ELAVL2: variants seen among roughly 807,000 people sequenced by gnomAD.
ELAVL2 encodes ELAV-like protein 2.
In ELAVL2, 4 loss-of-function variants were observed where a neutral mutation model predicts 34.6. The ratio of observed to expected loss-of-function variants is 0.12; its 90% confidence interval spans 0.06 to 0.26. The LOEUF (loss-of-function observed/expected upper bound fraction) is 0.26, where lower values mean the gene tolerates loss of function less well. Among genes scored for constraint, ELAVL2 ranks in the 10% least tolerant of loss-of-function variants. The probability of loss-of-function intolerance (pLI) is 1.00; values close to 1 mark genes in which losing one functional copy is unlikely to be tolerated. For synonymous variants in ELAVL2, 193 were observed against 154.8 expected, an observed-to-expected ratio of 1.25 and a Z score of -1.83; for missense variants, 432 against 442.8, an observed-to-expected ratio of 0.98 and a Z score of 0.22.
At chr9:23,810,664 G>T (rs561220681) in intron 1 of ELAVL2, among the ~76,000 whole-genome samples, 3 of 152,140 alleles carry the variant, frequency 2.0e-5, no homozygotes, top group African/African-American at 7.2e-5. Context: ...GGGATCCATG[G>T]AAAGAGGTAC....
intron 5 of ELAVL2, among the ~76,000 whole-genome samples, chr9:23,700,507 G>C (rs973063349): frequency 6.6e-6 from 1 of 152,148 alleles, no homozygotes; most frequent in African/African-American, 2.4e-5. Flanking sequence ...CTAAAGCCAC[G>C]GTCATTCTAT....
intron 1 of ELAVL2, among the ~76,000 whole-genome samples, chr9:23,802,324 C>T (rs896782955): frequency 2.6e-5 from 4 of 152,158 alleles, no homozygotes; most frequent in Non-Finnish European, 4.4e-5. Flanking sequence ...GACTTCCAAA[C>T]GCTAGCCCAC....
chr9:23,835,403 C>T, the ELAVL2 span, among the ~76,000 whole-genome samples: 2 of 152,034 alleles, frequency 1.3e-5, no homozygotes, highest in Non-Finnish European at 2.9e-5. Context: ...TTATCACTCA[C>T]CTCTCCCTAG....
intron 2 of ELAVL2, among the ~76,000 whole-genome samples, chr9:23,745,541 T>C (rs1340869637): frequency 2.0e-5 from 3 of 152,078 alleles, no homozygotes; most frequent in African/African-American, 7.2e-5. Flanking sequence ...AATGACTTAC[T>C]TGCTGGGAAA....
chr9:23,699,836 T>G (rs1275835442), intron 5 of ELAVL2, among the ~76,000 whole-genome samples: 4 of 86,354 alleles, frequency 4.6e-5, no homozygotes, highest in Non-Finnish European at 9.7e-5. Context: ...TTTTTTTTTT[T>G]TTTTTTTTTT....
In ELAVL2 at chr9:23,759,952, C is replaced by T. The variant is rs564422265; in HGVS notation, c.229+2054G>A. On this transcript the variant is annotated intron_variant, in intron 2 of 6. Coordinates refer to ENST00000397312, the MANE Select transcript of ELAVL2 (RefSeq NM_004432.5). The stretch of plus-strand genomic sequence containing the variant: ...TCCCCTCAAGCCACTGAAAAGACAA[C>T]AGGCAGGGGTCAGAGGTGAAGGAAA... Among the ~76,000 whole-genome samples the T allele has an allele frequency of 1.1e-3, 172 of 151,308 alleles. 1 individual carries two copies. Among genetic ancestry groups the T allele is most frequent in the African/African-American group, 4.0e-3 (166 of 41,300 alleles).
At chr9:23,741,256 G>C (rs1467575708) in intron 2 of ELAVL2, among the ~76,000 whole-genome samples, 1 of 152,124 alleles carries the variant, frequency 6.6e-6, no homozygotes, top group Non-Finnish European at 1.5e-5. Context: ...TGAACGTAAG[G>C]CATCTATGTA....
chr9:23,715,077 T>G (rs1264947941), intron 3 of ELAVL2, among the ~76,000 whole-genome samples: 1 of 152,156 alleles, frequency 6.6e-6, no homozygotes, highest in Non-Finnish European at 1.5e-5. Flanking sequence ...AACTAAGTCT[T>G]ATATGATGCC....
chr9:23,811,267 A>C (rs1172933755), intron 1 of ELAVL2, among the ~76,000 whole-genome samples: 1 of 152,150 alleles, frequency 6.6e-6, no homozygotes, highest in Non-Finnish European at 1.5e-5. Flanking sequence ...CAACTGAAGG[A>C]ATGAGCCTCT....
the ELAVL2 span, among the ~76,000 whole-genome samples, chr9:23,841,003 C>T: frequency 7.9e-5 from 12 of 152,234 alleles, no homozygotes; most frequent in South Asian, 1.9e-3. Context: ...AACAGAAACA[C>T]GTGCATTTTC....
chr9:23,768,439 G>A lies in ELAVL2; in HGVS notation c.-15-6190C>T, dbSNP rs567223948. 5.3e-5 allele frequency among the ~76,000 whole-genome samples: 8 copies of A among 151,056 alleles called. No homozygotes were observed. In the East Asian group the frequency reaches 1.6e-3, roughly 30 times the overall value. On this transcript the variant is annotated intron_variant, in intron 1 of 6. Transcript: ENST00000397312. ...CCCTCCCTAAATGTGTACAAACTAG[G>A]TAACTTTTTTTTTTTTTTTTACTTT... is the stretch of plus-strand genomic sequence containing the variant.
chr9:23,776,842 T>C (rs1176812081), intron 1 of ELAVL2, among the ~76,000 whole-genome samples: 2 of 151,018 alleles, frequency 1.3e-5, no homozygotes, highest in Non-Finnish European at 2.9e-5. Flanking sequence ...TGAGAAGAAA[T>C]GAGGCATTTT....
At chr9:23,801,637 T>C (rs1201668156) in intron 1 of ELAVL2, among the ~76,000 whole-genome samples, 2 of 152,214 alleles carry the variant, frequency 1.3e-5, no homozygotes, top group Non-Finnish European at 2.9e-5. Flanking sequence ...CATTTCTTGA[T>C]CCAGTTAGGG....
At chr9:23,819,104 A>C (rs1242475931) in intron 1 of ELAVL2, among the ~76,000 whole-genome samples, 1 of 152,238 alleles carries the variant, frequency 6.6e-6, no homozygotes, top group African/African-American at 2.4e-5. Context: ...TTATTTTTAA[A>C]AGATAAGCAG....
At chr9:23,699,576 C>G (rs1264310855) in intron 5 of ELAVL2, among the ~76,000 whole-genome samples, 2 of 152,130 alleles carry the variant, frequency 1.3e-5, no homozygotes, top group Non-Finnish European at 2.9e-5. Flanking sequence ...GACAAGCTGC[C>G]TAGGAAATAC....
At chr9:23,747,797 A>C (rs574688267) in intron 2 of ELAVL2, among the ~76,000 whole-genome samples, 1 of 152,316 alleles carries the variant, frequency 6.6e-6, no homozygotes, top group Non-Finnish European at 1.5e-5. Flanking sequence ...TTCAGTTGTC[A>C]ATAGCCAACG....
At chr9:23,820,934 C>A (rs2064541503) in intron 1 of ELAVL2, among the ~76,000 whole-genome samples, 1 of 152,196 alleles carries the variant, frequency 6.6e-6, no homozygotes, top group Admixed American at 6.5e-5. Context: ...ACGGGCCTCA[C>A]CTAACGCGCA....
chr9:23,827,993 G>T (rs546036391), upstream of ELAVL2, among the ~76,000 whole-genome samples: 1 of 152,040 alleles, frequency 6.6e-6, no homozygotes, highest in African/African-American at 2.4e-5. Flanking sequence ...ACAACCTCTG[G>T]AGTCTTAATT....
chr9:23,742,178 A>G (rs1292236495), intron 2 of ELAVL2, among the ~76,000 whole-genome samples: 1 of 152,194 alleles, frequency 6.6e-6, no homozygotes, highest in East Asian at 1.9e-4. Context: ...CCCAACCACC[A>G]AAAAGCTAAA....
Sources: gnomAD v4.1 joint callset for allele counts (sites outside exome capture counted in the v4.1 genomes callset) on GRCh38, gnomAD v4.1.1 for gene constraint, MANE v1.5 for transcripts, NCBI Gene and HGNC (gene_info 2026-07-23, HGNC 2026-07-21) for gene names.